Variants in CSMD1 observed in about 807,000 individuals in gnomAD.
CSMD1 encodes the protein CUB and sushi domain-containing protein 1.
CSMD1 carries 213 observed loss-of-function variants against 417.5 expected under a neutral mutation model. The ratio of observed to expected loss-of-function variants is 0.51; its 90% confidence interval spans 0.46 to 0.57. CSMD1 has a LOEUF of 0.57. Among genes scored for constraint, CSMD1 ranks in the 20% least tolerant of loss-of-function variants. CSMD1 has a pLI of 0.00. For missense variants in CSMD1, 6,923 were observed against 4,529.7 expected (o/e 1.53, Z -15.17); for synonymous variants, 2,862 against 1,736.8 (o/e 1.65, Z -16.11).
chr8:4,047,372 T>C (rs561196536), intron 3 of CSMD1, among the ~76,000 whole-genome samples: 2 of 152,290 alleles, frequency 1.3e-5, no homozygotes, highest in African/African-American at 2.4e-5. Flanking sequence ...GCTCATGGAA[T>C]AGGAACAATC....
At chr8:4,888,767 A>G (rs1190444898) in intron 1 of CSMD1, among the ~76,000 whole-genome samples, 1 of 152,108 alleles carries the variant, frequency 6.6e-6, no homozygotes, top group African/African-American at 2.4e-5. Flanking sequence ...AAAAGTAAGA[A>G]CATTTCCAAA....
intron 3 of CSMD1, among the ~76,000 whole-genome samples, chr8:4,282,316 G>A (rs1054078063): frequency 1.1e-4 from 16 of 152,124 alleles, no homozygotes; most frequent in African/African-American, 3.9e-4. Flanking sequence ...ACTGGAGCAC[G>A]CCCAAGGGTC....
At chr8:4,829,273 A>T (rs1385096372) in intron 1 of CSMD1, among the ~76,000 whole-genome samples, 52 of 152,278 alleles carry the variant, frequency 3.4e-4, no homozygotes, top group Admixed American at 3.4e-3. Context: ...TTAGAGTTTG[A>T]CAATATTTAG....
At chr8:3,357,100 T>C (rs897289155) in intron 21 of CSMD1, among the ~76,000 whole-genome samples, 1 of 151,758 alleles carries the variant, frequency 6.6e-6, no homozygotes, top group Admixed American at 6.6e-5. Flanking sequence ...GCGGCCAGAA[T>C]CCTCCAGAGC....
chr8:4,460,376 A>C (rs1169188025), intron 2 of CSMD1, among the ~76,000 whole-genome samples: 1 of 152,182 alleles, frequency 6.6e-6, no homozygotes, highest in African/African-American at 2.4e-5. Context: ...AACTATATTT[A>C]AAAAGAAAAA....
chr8:3,156,578 G>A (rs527445479), intron 39 of CSMD1, among the ~76,000 whole-genome samples: 1 of 152,266 alleles, frequency 6.6e-6, no homozygotes, highest in African/African-American at 2.4e-5. Context: ...GGAGCTCAGA[G>A]AGCATTGAGG....
At chr8:4,915,179 T>G (rs930652851) in intron 1 of CSMD1, among the ~76,000 whole-genome samples, 1 of 152,028 alleles carries the variant, frequency 6.6e-6, no homozygotes, top group South Asian at 2.1e-4. Context: ...ATAAGAGAAA[T>G]GCATATATAC....
At chr8:4,821,178 A>T (rs1799502407) in intron 1 of CSMD1, among the ~76,000 whole-genome samples, 1 of 152,152 alleles carries the variant, frequency 6.6e-6, no homozygotes. Flanking sequence ...CTCTGTAATC[A>T]CGTCACTGTG....
intron 1 of CSMD1, among the ~76,000 whole-genome samples, chr8:4,739,079 C>T (rs929631737): frequency 6.6e-6 from 1 of 150,992 alleles, no homozygotes; most frequent in Non-Finnish European, 1.5e-5. Flanking sequence ...CACATGTGCA[C>T]ACACACATAC....
At chr8:3,362,004 G>A (rs375825191) in intron 20 of CSMD1, among the ~76,000 whole-genome samples, 1 of 152,130 alleles carries the variant, frequency 6.6e-6, no homozygotes, top group Non-Finnish European at 1.5e-5. Flanking sequence ...CAAGAAAAGT[G>A]TATTGCCTTC....
At chr8:3,910,178 C>A (rs1023727652) in intron 5 of CSMD1, among the ~76,000 whole-genome samples, 1 of 151,994 alleles carries the variant, frequency 6.6e-6, no homozygotes, top group Non-Finnish European at 1.5e-5. Context: ...CATCGGGGGA[C>A]AAGGAATTTT....
At chr8:3,698,384 C>T (rs2469377) in intron 7 of CSMD1, among the ~76,000 whole-genome samples, 1 of 152,066 alleles carries the variant, frequency 6.6e-6, no homozygotes, top group South Asian at 2.1e-4. Context: ...ATGGAGCAAA[C>T]TAGATTAGAG....
At position 3,188,897 on chromosome 8, in the gene CSMD1, G is replaced by C. The variant is rs770519363; in HGVS notation, c.5513C>G (p.Ser1838Trp). ...CIWKIIVTEG[S>W]GIQIQVISFA... ...ACTTCAAGGACTCACCTGAATTCCC[G>C]AGCCCTCCGTAACTATGATCTTCCA... Residue 1838 changes from serine to tryptophan, a missense_variant, in exon 35 of 70, where the codon TCG becomes TGG. Ser to Trp is a radical substitution (Grantham distance 177, BLOSUM62 -3). Transcript: ENST00000635120. The C allele has an allele frequency of 3.8e-6, 6 of 1,572,726 alleles. No homozygotes were observed. The highest frequency in any genetic ancestry group is 2.3e-5 in the South Asian group (2 of 85,268).
Position 3,219,451 on chromosome 8 carries a change from A to G in CSMD1, c.4485-9T>C. On this transcript the variant is annotated splice_polypyrimidine_tract_variant and intron_variant, in intron 28 of 69. Coordinates refer to ENST00000635120, the MANE Select transcript of CSMD1 (RefSeq NM_033225.6). ...TGGGCTCCATGTTGAAACTAAAGAA[A>G]AGAATAGTAATTATGTCATACGGCT... 6.9e-7 allele frequency: 1 copy of G among 1,455,220 alleles called. No homozygotes were observed. Among genetic ancestry groups the G allele is most frequent in the South Asian group, 1.4e-5 (1 of 69,912 alleles). 90.1% of individuals were successfully genotyped at this position (1,455,220 alleles called of 1,614,324 possible).
At chr8:3,378,839 G>A (rs1344235428) in intron 18 of CSMD1, among the ~76,000 whole-genome samples, 1 of 152,148 alleles carries the variant, frequency 6.6e-6, no homozygotes, top group African/African-American at 2.4e-5. Context: ...ACTGGCAAAA[G>A]ACAAGGATGC....
chr8:3,516,562 G>T (rs1225890476), intron 10 of CSMD1, among the ~76,000 whole-genome samples: 1 of 152,198 alleles, frequency 6.6e-6, no homozygotes, highest in African/African-American at 2.4e-5. Flanking sequence ...ATGTCTGCTT[G>T]AAAATCTTTC....
chr8:4,934,831 C>A (rs1474661187), intron 1 of CSMD1, among the ~76,000 whole-genome samples: 1 of 152,102 alleles, frequency 6.6e-6, no homozygotes, highest in African/African-American at 2.4e-5. Context: ...AATCACCTAT[C>A]ATCCATCTAT....
intron 3 of CSMD1, among the ~76,000 whole-genome samples, chr8:4,356,677 T>G (rs1367874233): frequency 6.6e-6 from 1 of 152,192 alleles, no homozygotes; most frequent in African/African-American, 2.4e-5. Context: ...TAGTGAGGGC[T>G]TCTTTCCATG....
At chr8:3,088,074 A>G (rs1381204240) in intron 48 of CSMD1, among the ~76,000 whole-genome samples, 1 of 152,240 alleles carries the variant, frequency 6.6e-6, no homozygotes, top group Admixed American at 6.5e-5. Context: ...AAGAAAATGC[A>G]TTCTCTTGAG....
Sources: allele counts gnomAD v4.1 joint callset (sites outside exome capture counted in the v4.1 genomes callset), GRCh38; gene constraint gnomAD v4.1.1; transcripts MANE v1.5; gene names NCBI Gene and HGNC (gene_info 2026-07-23, HGNC 2026-07-21).